Variants in PKIG observed in about 807,000 individuals in gnomAD.
PKIG encodes the protein cAMP-dependent protein kinase inhibitor gamma.
Under a neutral mutation model 6.8 loss-of-function variants are expected in PKIG, and 1 was observed. The observed-to-expected ratio is 0.15, with a 90% CI of 0.05 to 0.69. PKIG has a LOEUF of 0.69. Ranked by LOEUF, PKIG falls within the 30% of genes least tolerant of loss-of-function variation. The pLI, the probability that PKIG is intolerant of heterozygous loss-of-function variation, is 0.82. For missense variants in PKIG, 77 were observed against 104.0 expected, an observed-to-expected ratio of 0.74 and a Z score of 1.13; for synonymous variants, 39 against 43.0, an observed-to-expected ratio of 0.91 and a Z score of 0.36.
At chr20:44,567,734 C>G (rs1262566951) in intron 1 of PKIG, among the ~76,000 whole-genome samples, 2 of 152,210 alleles carry the variant, frequency 1.3e-5, no homozygotes, top group Admixed American at 1.3e-4. Context: ...GGGCCAGGCC[C>G]AGGATTAAGA....
chr20:44,570,782 C>T (rs1311372880), intron 1 of PKIG, among the ~76,000 whole-genome samples: 1 of 152,132 alleles, frequency 6.6e-6, no homozygotes, highest in African/African-American at 2.4e-5. Context: ...TGTATGGACG[C>T]TTAACAGAAA....
At chr20:44,608,768 C>T (rs954162304) in intron 2 of PKIG, among the ~76,000 whole-genome samples, 2 of 150,770 alleles carry the variant, frequency 1.3e-5, no homozygotes, top group Admixed American at 6.6e-5. Flanking sequence ...CCACTGCACT[C>T]CAGCCTGTGT....
chr20:44,564,727 G>T (rs763301076), intron 1 of PKIG, among the ~76,000 whole-genome samples: 9 of 152,076 alleles, frequency 5.9e-5, no homozygotes, highest in Non-Finnish European at 1.3e-4. Flanking sequence ...GTTTTGGAGG[G>T]CTCTCCTTTC....
At chr20:44,542,604 C>T (rs2064572303) in intron 1 of PKIG, among the ~76,000 whole-genome samples, 3 of 150,966 alleles carry the variant, frequency 2.0e-5, no homozygotes, top group African/African-American at 7.3e-5. Context: ...ATATTTTTTT[C>T]GAGATGGAGT....
intron 1 of PKIG, among the ~76,000 whole-genome samples, chr20:44,561,210 G>A (rs189013373): frequency 5.3e-5 from 8 of 152,248 alleles, no homozygotes; most frequent in African/African-American, 9.6e-5. Context: ...GGTGGCGGGC[G>A]CCTGTGATCT....
chr20:44,615,553 C>T (rs1190461814), intron 3 of PKIG, among the ~76,000 whole-genome samples: 34 of 151,646 alleles, frequency 2.2e-4, no homozygotes, highest in Non-Finnish European at 4.7e-4. Context: ...TGGCTCAAGT[C>T]CACAGTCAGC....
At chr20:44,549,257 G>C (rs951809028) in intron 1 of PKIG, among the ~76,000 whole-genome samples, 1 of 151,910 alleles carries the variant, frequency 6.6e-6, no homozygotes, top group African/African-American at 2.4e-5. Flanking sequence ...TCTATGCCCA[G>C]ATAACAAAAA....
At position 44,537,640 on chromosome 20, in the gene PKIG, C is replaced by T. The variant is rs1009539373; in HGVS notation, c.-241+5662C>T. ...TCCCTCAGGCTGGAGTGCAGTGGTG[C>T]GATTTTGGCTCACTGCACCCTTCGC... On this transcript the variant is annotated intron_variant, in intron 1 of 4. Coordinates refer to the PKIG transcript ENST00000372887. Among the ~76,000 whole-genome samples, 33 of 150,740 alleles carry T rather than the reference C, an allele frequency of 2.2e-4. 1 individual carries two copies. Among genetic ancestry groups the T allele is most frequent in the African/African-American group, 7.6e-4 (31 of 40,906 alleles).
At chr20:44,597,499 T>C (rs890562417) in intron 2 of PKIG, among the ~76,000 whole-genome samples, 1 of 152,214 alleles carries the variant, frequency 6.6e-6, no homozygotes, top group Admixed American at 6.5e-5. Context: ...TCTGAAGGAA[T>C]GGATGAATAC....
intron 1 of PKIG, among the ~76,000 whole-genome samples, chr20:44,566,818 C>G (rs2123270324): frequency 6.6e-6 from 1 of 152,202 alleles, no homozygotes; most frequent in Middle Eastern, 3.4e-3. Context: ...TGTACTTCAG[C>G]CTGGGTGACA....
intron 1 of PKIG, among the ~76,000 whole-genome samples, chr20:44,548,133 C>T (rs1473818529): frequency 3.3e-5 from 5 of 151,978 alleles, no homozygotes; most frequent in African/African-American, 1.2e-4. Flanking sequence ...GAGCCGAGAT[C>T]GCACAACTGC....
intron 1 of PKIG, among the ~76,000 whole-genome samples, chr20:44,548,578 T>C (rs1733571192): frequency 6.6e-6 from 1 of 152,184 alleles, no homozygotes; most frequent in South Asian, 2.1e-4. Context: ...GAAAACTATT[T>C]GCTGGGGATT....
chr20:44,590,671 A>T lies in PKIG; in HGVS notation c.-24+805A>T, dbSNP rs200227441. Among the ~76,000 whole-genome samples the T allele has an allele frequency of 3.9e-5, 6 of 152,352 alleles. No homozygotes were observed. In the East Asian group the frequency reaches 1.2e-3, roughly 29 times the overall value. Reference sequence around the variant, plus strand: ...CATCCATGGATGTGGTTGTTAAGGTATCAGAATTGAAGGCTATTCTAGATT... The same window carrying T: ...CATCCATGGATGTGGTTGTTAAGGTTTCAGAATTGAAGGCTATTCTAGATT... On this transcript the variant is annotated intron_variant, in intron 2 of 3. Transcript: ENST00000372886.
intron 1 of PKIG, among the ~76,000 whole-genome samples, chr20:44,568,648 A>G (rs908627479): frequency 2.0e-4 from 30 of 151,954 alleles, no homozygotes; most frequent in Admixed American, 1.3e-3. Flanking sequence ...ACGGCGTTTC[A>G]CCATCTTGGC....
chr20:44,576,372 G>C (rs1429951395), intron 1 of PKIG, among the ~76,000 whole-genome samples: 1 of 152,108 alleles, frequency 6.6e-6, no homozygotes, highest in Non-Finnish European at 1.5e-5. Context: ...TATAAGAAGA[G>C]ACATAGGAGT....
At chr20:44,581,840 A>C (rs6031663), upstream of PKIG, among the ~76,000 whole-genome samples, 1 of 152,158 alleles carries the variant, frequency 6.6e-6, no homozygotes, top group Non-Finnish European at 1.5e-5. Context: ...GGTAGCTTGT[A>C]GTAAAATGCT....
At chr20:44,558,542 A>G (rs2064735057) in intron 1 of PKIG, among the ~76,000 whole-genome samples, 1 of 136,444 alleles carries the variant, frequency 7.3e-6, no homozygotes, top group Non-Finnish European at 1.6e-5. Context: ...CTCCAGTCCA[A>G]CCTCACATTT....
At chr20:44,580,335 GTTTTGTT>G (rs913052459), upstream of PKIG, among the ~76,000 whole-genome samples, 6 of 151,192 alleles carry the variant, frequency 4.0e-5, no homozygotes, top group East Asian at 1.9e-4. Flanking sequence ...TTTTTGTTTT[GTTTTGTT>G]TTTTGTTTTT....
chr20:44,612,624 G>T (rs912522229), intron 2 of PKIG, among the ~76,000 whole-genome samples: 2 of 152,126 alleles, frequency 1.3e-5, no homozygotes, highest in African/African-American at 4.8e-5. Context: ...TACATAAATG[G>T]ACAATCTTGT....
Sources: allele counts gnomAD v4.1 joint callset (sites outside exome capture counted in the v4.1 genomes callset), GRCh38; gene constraint gnomAD v4.1.1; transcripts MANE v1.5; gene names NCBI Gene and HGNC (gene_info 2026-07-23, HGNC 2026-07-21).